ADGB: variants seen among roughly 807,000 people sequenced by gnomAD.
ADGB encodes the protein calpain-7-like protein.
In ADGB, 172 loss-of-function variants were observed where a neutral mutation model predicts 210.5. The observed-to-expected ratio is 0.82, with a 90% CI of 0.72 to 0.93. The LOEUF is 0.93. Among genes scored for constraint, ADGB ranks in the 40% least tolerant of loss-of-function variants. The pLI is 0.00. For synonymous variants in ADGB, 658 were observed against 662.7 expected (o/e 0.99, Z 0.11); for missense variants, 2,025 against 1,964.8 (o/e 1.03, Z -0.58).
intron 1 of ADGB, among the ~76,000 whole-genome samples, chr6:146,625,978 T>C (rs923687865): frequency 6.6e-6 from 1 of 152,082 alleles, no homozygotes; most frequent in African/African-American, 2.4e-5. Context: ...TTTGTCTCTC[T>C]TTCTTGTGTT....
rs542255688 is a variant in ADGB, at chr6:146,623,577, A to T, written c.75-11798A>T. On this transcript the variant is annotated intron_variant, in intron 1 of 35. Transcript: ENST00000397944. ...ACATGGCTAAACTCACTTATCATTTATGAAAGTTTTAATACATGCCAATAG... is the reference window on the plus strand; with the variant it reads ...ACATGGCTAAACTCACTTATCATTTTTGAAAGTTTTAATACATGCCAATAG... Among the ~76,000 whole-genome samples, 6 of 152,038 alleles carry T rather than the reference A, an allele frequency of 3.9e-5. No homozygotes were observed. The East Asian group carries it at 9.7e-4, about 24-fold the overall frequency.
intron 13 of ADGB, among the ~76,000 whole-genome samples, chr6:146,706,249 TC>T (rs1776567483): frequency 2.0e-5 from 3 of 151,208 alleles, no homozygotes; most frequent in South Asian, 2.1e-4. Flanking sequence ...GTTTTTTTTT[TC>T]TTTTCTTTTT....
chr6:146,696,631 G>C (rs988782520), intron 12 of ADGB, among the ~76,000 whole-genome samples: 10 of 152,094 alleles, frequency 6.6e-5, no homozygotes, highest in African/African-American at 2.2e-4. Context: ...GTAAAACAAA[G>C]ATACTATTGA....
At chr6:146,670,713 G>A (rs1308524228) in intron 7 of ADGB, among the ~76,000 whole-genome samples, 1 of 152,096 alleles carries the variant, frequency 6.6e-6, no homozygotes, top group Non-Finnish European at 1.5e-5. Flanking sequence ...CAAGAACAGG[G>A]ACCCTCTTTT....
intron 33 of ADGB, among the ~76,000 whole-genome samples, chr6:146,797,255 TA>T (rs1426826536): frequency 6.6e-6 from 1 of 152,140 alleles, no homozygotes; most frequent in African/African-American, 2.4e-5. Context: ...GGTAGGAATG[TA>T]AACTAGTACA....
Position 146,726,150 on chromosome 6 carries a change from T to C in ADGB, c.2305T>C (p.Ser769Pro), listed in dbSNP as rs1776891815. The change falls in exon 19 of 36, where the codon TCA (serine) becomes CCA (proline). Residue 769 changes from serine (S) to proline (P), a missense_variant. Transcript: ENST00000397944. ...GHSIHICSMV[S>P]FVIGDEHVVL... ...CTCCATACACATCTGCAGCATGGTG[T>C]CATTTGTCATTGGGGATGAACACGT... 3 of 1,549,898 alleles carry C rather than the reference T, an allele frequency of 1.9e-6. No homozygotes were observed. Among genetic ancestry groups the C allele is most frequent in the Non-Finnish European group, 2.6e-6 (3 of 1,145,202 alleles).
chr6:146,643,281 C>A (rs1235837237), intron 2 of ADGB, among the ~76,000 whole-genome samples: 1 of 151,588 alleles, frequency 6.6e-6, no homozygotes, highest in Non-Finnish European at 1.5e-5. Flanking sequence ...AAACTGTACA[C>A]AATGCCCTCA....
Position 146,667,028 on chromosome 6 carries a change from C to T in ADGB, c.839+126C>T, listed in dbSNP as rs116097505. On this transcript the variant is annotated intron_variant, in intron 7 of 35. Coordinates refer to ENST00000397944, the MANE Select transcript of ADGB (RefSeq NM_024694.4). ...TTTTGCAAAATTTGGGGGAAAATAT[C>T]GTTTTGTAGTATTATATAAAGTTCC... 3.0e-4 allele frequency: 183 copies of T among 616,972 alleles called. 1 individual carries two copies. The highest frequency in any genetic ancestry group is 2.8e-3 in the African/African-American group (150 of 54,542). 38.2% of individuals were successfully genotyped at this position (616,972 alleles called of 1,614,324 possible). A position where few individuals can be genotyped will look rare whatever the true frequency, so the allele number is the denominator to read the frequency against.
intron 23 of ADGB, among the ~76,000 whole-genome samples, chr6:146,738,526 T>C (rs1320945525): frequency 1.4e-5 from 2 of 143,286 alleles, no homozygotes; most frequent in African/African-American, 5.2e-5. Context: ...CTGGGCTCAC[T>C]GCGAGCTCCA....
chr6:146,703,247 ATTT>A (rs1457837186), intron 13 of ADGB, among the ~76,000 whole-genome samples: 1 of 151,894 alleles, frequency 6.6e-6, no homozygotes, highest in Non-Finnish European at 1.5e-5. Context: ...TCTTTTTAAA[ATTT>A]ATTTTTAATC....
chr6:146,777,029 T>C (rs1777731734), intron 29 of ADGB, among the ~76,000 whole-genome samples: 1 of 151,966 alleles, frequency 6.6e-6, no homozygotes. Flanking sequence ...TTTCCACTCC[T>C]ATAGAGCGCT....
chr6:146,671,632 G>A (rs147477554), intron 7 of ADGB, among the ~76,000 whole-genome samples: 175 of 152,248 alleles, frequency 1.1e-3, no homozygotes, highest in African/African-American at 4.2e-3. Flanking sequence ...CTCAAAATAT[G>A]AGGAAATACT....
At chr6:146,656,517 T>C (rs1199819976) in intron 4 of ADGB, among the ~76,000 whole-genome samples, 1 of 152,200 alleles carries the variant, frequency 6.6e-6, no homozygotes, top group Non-Finnish European at 1.5e-5. Context: ...ACCCACAGTT[T>C]ACTTCAGCAG....
chr6:146,635,889 G>A (rs1775412261), intron 2 of ADGB, among the ~76,000 whole-genome samples: 1 of 151,978 alleles, frequency 6.6e-6, no homozygotes, highest in Non-Finnish European at 1.5e-5. Context: ...AATCCACAGT[G>A]GACTTGGAAG....
intron 4 of ADGB, among the ~76,000 whole-genome samples, chr6:146,655,734 C>T (rs1369195561): frequency 2.0e-5 from 3 of 151,972 alleles, no homozygotes; most frequent in African/African-American, 7.2e-5. Context: ...TAGACTTTCG[C>T]TTTTCATTTT....
intron 12 of ADGB, among the ~76,000 whole-genome samples, chr6:146,693,635 T>G (rs1776362409): frequency 6.6e-6 from 1 of 152,152 alleles, no homozygotes; most frequent in South Asian, 2.1e-4. Flanking sequence ...ACATCTTCCT[T>G]GTTCTCTTTC....
rs141848222 is a variant in ADGB at position 146,642,316 on chromosome 6, A to G, written c.238-2457A>G. ...GTAAATTAGTTCAACCATTGTGGAA[A>G]GCACTATGTCAATTCCTCAAAGAGG... On this transcript the variant is annotated intron_variant, in intron 2 of 35. Coordinates refer to ENST00000397944, the MANE Select transcript of ADGB (RefSeq NM_024694.4). 4.3e-4 allele frequency among the ~76,000 whole-genome samples: 65 copies of G among 152,084 alleles called. 1 individual carries two copies. In the Middle Eastern group the frequency reaches 0.01, roughly 24 times the overall value.
chr6:146,808,189 G>A (rs746373737), intron 35 of ADGB, among the ~76,000 whole-genome samples: 7 of 151,914 alleles, frequency 4.6e-5, no homozygotes, highest in Non-Finnish European at 7.4e-5. Context: ...TAGTAGAGAC[G>A]GGGTTTCACC....
chr6:146,733,703 G>C (rs539513303), intron 21 of ADGB, among the ~76,000 whole-genome samples, 190 bp from the exon 22 acceptor site: 2 of 152,176 alleles, frequency 1.3e-5, no homozygotes, highest in South Asian at 4.2e-4. Flanking sequence ...TCCCTATTTT[G>C]TGTGTTTTCC....
Sources: gnomAD v4.1 joint callset for allele counts (sites outside exome capture counted in the v4.1 genomes callset) on GRCh38, gnomAD v4.1.1 for gene constraint, MANE v1.5 for transcripts, NCBI Gene and HGNC (gene_info 2026-07-23, HGNC 2026-07-21) for gene names.